RBM5: variants seen among roughly 807,000 people sequenced by gnomAD.
The protein encoded by RBM5 is RNA binding motif protein 5.
Under a neutral mutation model 124.6 loss-of-function variants are expected in RBM5, and 15 were observed. That is an observed-to-expected ratio of 0.12 (90% confidence interval 0.08 to 0.19). RBM5 has a LOEUF of 0.19. Ranked by LOEUF, RBM5 falls within the 10% of genes least tolerant of loss-of-function variation. The pLI is 1.00. For missense variants in RBM5, 580 were observed against 1,026.5 expected (o/e 0.57, Z 5.94); for synonymous variants, 337 against 361.2 (o/e 0.93, Z 0.76).
At chr3:50,105,405 T>G in intron 9 of RBM5, 144 bp from the exon 10 acceptor site, 1 of 950,800 alleles carries the variant, frequency 1.1e-6, no homozygotes. Context: ...AAGACAGGAT[T>G]TTTAGAATCT....
In RBM5 at chr3:50,117,450, T is replaced by C; in HGVS notation, c.2322+71T>C. The C allele has an allele frequency of 6.3e-7, 1 of 1,586,214 alleles. No individual in the cohort carries two copies. Reference sequence around the variant, plus strand: ...GGTTCCAGAGATGAGATCAGAGCACTCATAGAGCCTGGGAGCCAGGAGCAG... The same window carrying C: ...GGTTCCAGAGATGAGATCAGAGCACCCATAGAGCCTGGGAGCCAGGAGCAG... On this transcript the variant is annotated intron_variant, in intron 24 of 24. Transcript: ENST00000347869. The surrounding 1 kb of genome is among the most constrained non-coding windows in gnomAD (Gnocchi z 4.2).
intron 10 of RBM5, among the ~76,000 whole-genome samples, 183 bp downstream of exon 10, chr3:50,105,892 T>C (rs1323903674): frequency 7.2e-5 from 11 of 152,142 alleles, no homozygotes; most frequent in Admixed American, 7.2e-4. Context: ...ATAATGTGTA[T>C]ACCTATAGGC....
Position 50,100,308 on chromosome 3 carries a change from A to G in RBM5, c.410-224A>G, listed in dbSNP as rs2090914968. On this transcript the variant is annotated intron_variant, in intron 5 of 24. Coordinates refer to ENST00000347869, the MANE Select transcript of RBM5 (RefSeq NM_005778.4). The surrounding 1 kb of genome is among the most constrained non-coding windows in gnomAD (Gnocchi z 5.1). ...TTTTTTTTTGACTATAGTCGGTTGCATGGTTACTTTAAGCGTGGAATCAAA... is the reference window on the plus strand; with the variant it reads ...TTTTTTTTTGACTATAGTCGGTTGCGTGGTTACTTTAAGCGTGGAATCAAA... 1.8e-6 allele frequency: 1 copy of G among 552,802 alleles called. No individual in the cohort carries two copies. The highest frequency in any genetic ancestry group is 1.9e-5 in the African/African-American group (1 of 52,216). The allele number at this position is 552,802 out of a possible 1,614,324, so 34.2% of individuals were successfully genotyped here. A position where few individuals can be genotyped will look rare whatever the true frequency, so the allele number is the denominator to read the frequency against.
chr3:50,113,247 A>C, intron 17 of RBM5, 136 bp from the exon 18 acceptor site: 2 of 776,290 alleles, frequency 2.6e-6, no homozygotes, highest in Admixed American at 6.1e-5. Flanking sequence ...ACTTATACCA[A>C]GGTGTGCCCA....
At position 50,114,244 on chromosome 3, in the gene RBM5, C is replaced by T; in HGVS notation, c.1832C>T (p.Pro611Leu). Residue 611 changes from proline to leucine, a missense_variant, in exon 20 of 25, where the codon CCC (proline) becomes CTC (leucine). Physicochemically the swap from Pro to Leu is moderately conservative, Grantham distance 98. This residue lies in a region of RBM5 where 234 missense variants were observed against 435.1 expected (regional missense o/e 0.54). Coordinates refer to ENST00000347869, the MANE Select transcript of RBM5 (RefSeq NM_005778.4). ...GTGCGAAATGGAGATGAGGAGAATCCCCTCAAAGTAAGGGAGTACCACCAG... is the reference window on the plus strand; with the variant it reads ...GTGCGAAATGGAGATGAGGAGAATCTCCTCAAAGTAAGGGAGTACCACCAG... The part of the protein sequence containing the change: ...ELVRNGDEEN[P>L]LKRGLVAAYS... 6.2e-7 allele frequency: 1 copy of T among 1,606,930 alleles called. No individual in the cohort carries two copies. The highest frequency in any genetic ancestry group is 8.5e-7 in the Non-Finnish European group (1 of 1,178,280).
chr3:50,099,359 G>A (rs577444419), intron 4 of RBM5, among the ~76,000 whole-genome samples: 1 of 152,152 alleles, frequency 6.6e-6, no homozygotes, highest in African/African-American at 2.4e-5. Flanking sequence ...TATGAGAAAT[G>A]TTCTCTCTTT....
chr3:50,090,527 A>G, intron 2 of RBM5, 76 bp downstream of exon 2: 4 of 1,539,166 alleles, frequency 2.6e-6, no homozygotes, highest in South Asian at 2.3e-5. Flanking sequence ...ATAGTTTATC[A>G]AACTAATATA....
chr3:50,100,772 C>T lies in RBM5; in HGVS notation c.483+167C>T. ...ACTAGAATAAGTACAGTACCAAGGA[C>T]TTCATTATAGAATTTGTTCTGCCTT... On this transcript the variant is annotated intron_variant, in intron 6 of 24. Transcript: ENST00000347869. The surrounding 1 kb of genome is among the most constrained non-coding windows in gnomAD (Gnocchi z 5.1). The T allele has an allele frequency of 8.3e-6, 4 of 480,310 alleles. No individual in the cohort carries two copies. The highest frequency in any genetic ancestry group is 1.4e-5 in the Non-Finnish European group (4 of 276,376). 29.8% of individuals were successfully genotyped at this position (480,310 alleles called of 1,614,324 possible). A position where few individuals can be genotyped will look rare whatever the true frequency, so the allele number is the denominator to read the frequency against.
At chr3:50,091,118 G>C (rs751079386) in intron 2 of RBM5, among the ~76,000 whole-genome samples, 13 of 152,206 alleles carry the variant, frequency 8.5e-5, no homozygotes, top group Non-Finnish European at 1.8e-4. Flanking sequence ...GTCAGTCCCT[G>C]TGGTAGATCA....
chr3:50,093,628 C>A, intron 3 of RBM5, 92 bp from the exon 4 acceptor site: 1 of 1,400,416 alleles, frequency 7.1e-7, no homozygotes, highest in Non-Finnish European at 9.9e-7. Context: ...AATCTCTGTA[C>A]ACTTCCTGCT....
chr3:50,108,374 C>A, intron 14 of RBM5, 70 bp downstream of exon 14: 1 of 1,367,638 alleles, frequency 7.3e-7, no homozygotes, highest in South Asian at 1.2e-5. Context: ...ATTAAATGTC[C>A]TAACTGGACC....
At position 50,110,764 on chromosome 3, in the gene RBM5, C is replaced by T; in HGVS notation, c.1449C>T (p.Asn483=). Residue 483 remains asparagine, a synonymous_variant, in exon 17 of 25, where the codon AAC becomes AAT. Coordinates refer to ENST00000347869, the MANE Select transcript of RBM5 (RefSeq NM_005778.4). ...DPTTGLYYDP[N]SQYYYNSLTQ... is the part of the protein sequence containing the mutation. ...CAACAGGGCTCTATTATGACCCCAA[C>T]TCGCAAGTAAATGTGCTGCTTTCCT... 4 of 1,606,388 alleles carry T rather than the reference C, an allele frequency of 2.5e-6. No homozygotes were observed.
At chr3:50,108,451 G>A (rs1575326201) in intron 14 of RBM5, 147 bp downstream of exon 14, 2 of 783,574 alleles carry the variant, frequency 2.6e-6, no homozygotes, top group South Asian at 1.6e-5. Flanking sequence ...GCTCACGCCT[G>A]TAATCCCAGC....
At chr3:50,118,256 G>A in intron 24 of RBM5, 75 bp from the exon 25 acceptor site, 1 of 1,589,266 alleles carries the variant, frequency 6.3e-7, no homozygotes, top group East Asian at 2.3e-5. Context: ...GTCCTGCTGG[G>A]TAAGGAGTGG....
At position 50,093,848 on chromosome 3, in the gene RBM5, C is replaced by G. The variant is rs919240816; in HGVS notation, c.312C>G (p.Gly104=). Residue 104 remains glycine (G), a synonymous_variant, in exon 4 of 25, where the codon GGC becomes GGG. Coordinates refer to ENST00000347869, the MANE Select transcript of RBM5 (RefSeq NM_005778.4). ...ERESKTIMLR[G]LPITITESDI... ...AGAGCAAGACCATCATGCTGCGCGG[C>G]CTTCCCATCACCATCACAGAGAGCG... 2 of 1,612,772 alleles carry G rather than the reference C, an allele frequency of 1.2e-6. No homozygotes were observed. The highest frequency in any genetic ancestry group is 2.7e-5 in the African/African-American group (2 of 74,900).
At chr3:50,099,779 T>C in intron 4 of RBM5, 2 of 421,406 alleles carry the variant, frequency 4.7e-6, no homozygotes, top group Non-Finnish European at 4.3e-6. Flanking sequence ...GGAGAATTGC[T>C]TGAACCCAGG....
Position 50,100,113 on chromosome 3 carries a change from A to G in RBM5, c.409+62A>G. On this transcript the variant is annotated intron_variant, in intron 5 of 24. Coordinates refer to ENST00000347869, the MANE Select transcript of RBM5 (RefSeq NM_005778.4). This position sits in a 1 kb window ranked among gnomAD's most constrained non-coding sequence, Gnocchi z 5.1. ...TTCCCCATTCCCACCTCAGTCCCTA[A>G]AGAACATCCTGATTCCCCCAGTCTT... 6.9e-7 allele frequency: 1 copy of G among 1,446,724 alleles called. No homozygotes were observed. Among genetic ancestry groups the G allele is most frequent in the Non-Finnish European group, 9.6e-7 (1 of 1,039,834 alleles). 89.6% of individuals were successfully genotyped at this position (1,446,724 alleles called of 1,614,324 possible).
chr3:50,114,014 G>A lies in RBM5; in HGVS notation c.1682G>A (p.Ser561Asn), dbSNP rs1295840299. The A allele has an allele frequency of 1.9e-6, 3 of 1,614,210 alleles. No homozygotes were observed. The highest frequency in any genetic ancestry group is 1.7e-6 in the Non-Finnish European group (2 of 1,180,032). Residue 561 changes from serine to asparagine, a missense_variant, in exon 19 of 25, where the codon AGC (serine) becomes AAC (asparagine). By Grantham distance (46) the Ser-to-Asn change is conservative. Coordinates refer to ENST00000347869, the MANE Select transcript of RBM5 (RefSeq NM_005778.4). ...AAGCAGAAAGAAAACTTTAAAAATA[G>A]CTTTCAGCCTGTCAATTCCTTGAGG... ...LNKQKENFKN[S>N]FQPVNSLREE...
chr3:50,106,919 T>C, intron 11 of RBM5, 55 bp downstream of exon 11: 1 of 1,394,512 alleles, frequency 7.2e-7, no homozygotes, highest in Non-Finnish European at 1.0e-6. Context: ...ATTTGTACAG[T>C]GTGCTAACTG....
Sources: gnomAD v4.1 joint callset for allele counts (sites outside exome capture counted in the v4.1 genomes callset) on GRCh38, gnomAD v4.1.1 for gene constraint, gnomAD v4.1.1 regional missense constraint, Gnocchi (gnomAD v3.1) non-coding constraint, MANE v1.5 for transcripts, NCBI Gene and HGNC (gene_info 2026-07-23, HGNC 2026-07-21) for gene names.